Variants in THEMIS observed in about 807,000 individuals in gnomAD.
THEMIS encodes the protein protein THEMIS.
THEMIS carries 37 observed loss-of-function variants against 52.6 expected under a neutral mutation model. That is an observed-to-expected ratio of 0.70 (90% CI 0.54 to 0.93). The LOEUF is 0.93. THEMIS is among the 40% of genes least tolerant of loss of function. The pLI, the probability that THEMIS is intolerant of heterozygous loss-of-function variation, is 0.00. For synonymous variants in THEMIS, 292 were observed against 272.7 expected, an observed-to-expected ratio of 1.07 and a Z score of -0.70; for missense variants, 808 against 763.1, an observed-to-expected ratio of 1.06 and a Z score of -0.69.
intron 4 of THEMIS, among the ~76,000 whole-genome samples, chr6:127,742,854 A>T (rs936052895): frequency 6.6e-6 from 1 of 152,142 alleles, no homozygotes; most frequent in African/African-American, 2.4e-5. Context: ...GATGGTGGTG[A>T]TGGTTCCATA....
intron 4 of THEMIS, among the ~76,000 whole-genome samples, chr6:127,800,817 G>A (rs6940681): frequency 0.15 from 23,094 of 152,168 alleles, 1,961 homozygotes; most frequent in African/African-American, 0.22. Context: ...AAGTTCTTCA[G>A]TTTTGGAATT....
chr6:127,830,986 T>C (rs1417654820), intron 2 of THEMIS, among the ~76,000 whole-genome samples: 1 of 152,202 alleles, frequency 6.6e-6, no homozygotes, highest in African/African-American at 2.4e-5. Flanking sequence ...CACACATTAA[T>C]AAATCACAAC....
At chr6:127,835,512 T>C (rs935414206) in intron 2 of THEMIS, among the ~76,000 whole-genome samples, 5 of 152,182 alleles carry the variant, frequency 3.3e-5, no homozygotes. Context: ...CATGATTAGG[T>C]AGTACTTAAC....
intron 5 of THEMIS, among the ~76,000 whole-genome samples, chr6:127,712,413 T>C (rs371720846): frequency 6.9e-4 from 105 of 152,084 alleles, no homozygotes; most frequent in Non-Finnish European, 1.1e-3. Context: ...ACTGTGTTTC[T>C]TGCATACTAC....
At chr6:127,801,727 G>A (rs867669236) in intron 4 of THEMIS, among the ~76,000 whole-genome samples, 55 of 152,178 alleles carry the variant, frequency 3.6e-4, no homozygotes, top group South Asian at 4.2e-4. Context: ...CCCCTGAGGC[G>A]GTTGCCAGGC....
chr6:127,723,612 G>A (rs1370284680), intron 4 of THEMIS, among the ~76,000 whole-genome samples: 10 of 151,910 alleles, frequency 6.6e-5, no homozygotes, highest in Admixed American at 6.6e-4. Context: ...TAAGCACTCT[G>A]GACTCTAATT....
chr6:127,841,513 T>C (rs1005671974), intron 2 of THEMIS, among the ~76,000 whole-genome samples: 2 of 152,022 alleles, frequency 1.3e-5, no homozygotes, highest in Non-Finnish European at 2.9e-5. Context: ...AGAAAACTTA[T>C]AGAACAGCAC....
At chr6:127,735,315 G>A (rs1774966557) in intron 4 of THEMIS, among the ~76,000 whole-genome samples, 2 of 150,842 alleles carry the variant, frequency 1.3e-5, no homozygotes, top group East Asian at 4.0e-4. Flanking sequence ...AGGGGCGTGT[G>A]TGCGTGTGTG....
At chr6:127,797,689 G>A (rs1359975043) in intron 4 of THEMIS, among the ~76,000 whole-genome samples, 2 of 152,162 alleles carry the variant, frequency 1.3e-5, no homozygotes, top group Non-Finnish European at 2.9e-5. Context: ...TACCCATAAT[G>A]CCAGGGACTA....
Position 127,839,922 on chromosome 6 carries a change from T to C in THEMIS, c.251-9988A>G, listed in dbSNP as rs142320945. On this transcript the variant is annotated intron_variant, in intron 2 of 5. Transcript: ENST00000368248. ...AGGATGTTGAAGATTTAAAATTTCA[T>C]GTTTCTAAAAAAATGGAGACAGGGA... is the stretch of plus-strand genomic sequence containing the variant. Among the ~76,000 whole-genome samples the C allele has an allele frequency of 8.5e-5, 13 of 152,146 alleles. No individual in the cohort carries two copies. In the East Asian group the frequency reaches 2.5e-3, roughly 30 times the overall value.
chr6:127,840,334 TA>T, intron 2 of THEMIS, among the ~76,000 whole-genome samples: 1 of 151,948 alleles, frequency 6.6e-6, no homozygotes, highest in East Asian at 1.9e-4. Context: ...ACCTAGAAAA[TA>T]AAAATTATGC....
At chr6:127,856,588 T>C (rs1779626169) in intron 1 of THEMIS, among the ~76,000 whole-genome samples, 1 of 151,918 alleles carries the variant, frequency 6.6e-6, no homozygotes, top group Non-Finnish European at 1.5e-5. Flanking sequence ...CACATTACTG[T>C]CCTTATCTGA....
At chr6:127,831,275 G>C (rs921674308) in intron 2 of THEMIS, among the ~76,000 whole-genome samples, 5 of 152,026 alleles carry the variant, frequency 3.3e-5, no homozygotes, top group African/African-American at 1.2e-4. Flanking sequence ...GGTTCTGTTT[G>C]ATTTATTTTA....
chr6:127,846,798 A>G (rs1779229743), intron 2 of THEMIS, among the ~76,000 whole-genome samples: 1 of 151,874 alleles, frequency 6.6e-6, no homozygotes, highest in Non-Finnish European at 1.5e-5. Flanking sequence ...TGTAGCCAGT[A>G]TCATCCTAAC....
intron 2 of THEMIS, 27 bp from the exon 3 acceptor site, chr6:127,829,961 A>G (rs1447140520): frequency 6.5e-7 from 1 of 1,533,084 alleles, no homozygotes; most frequent in East Asian, 2.3e-5. Context: ...GTGAATTAAA[A>G]AGAGAGTTCT....
chr6:127,867,515 A>G (rs1301600998), intron 1 of THEMIS, among the ~76,000 whole-genome samples: 1 of 152,092 alleles, frequency 6.6e-6, no homozygotes, highest in Non-Finnish European at 1.5e-5. Flanking sequence ...TGAGAAAGAG[A>G]AATGGAGAAG....
chr6:127,888,434 T>C lies in THEMIS; in HGVS notation c.91+12408A>G, dbSNP rs1038614666. Reference sequence around the variant, plus strand: ...GAACTAAGGGGATAAATGGAAGTTGTGGGAAATTATGGGGTTCCCTATAAA... The same window carrying C: ...GAACTAAGGGGATAAATGGAAGTTGCGGGAAATTATGGGGTTCCCTATAAA... On this transcript the variant is annotated intron_variant, in intron 1 of 5. Coordinates refer to ENST00000368248, the MANE Select transcript of THEMIS (RefSeq NM_001010923.3). Among the ~76,000 whole-genome samples the C allele has an allele frequency of 7.9e-5, 12 of 152,054 alleles. 1 individual carries two copies. The highest frequency in any genetic ancestry group is 7.2e-4 in the Admixed American group (11 of 15,230).
At chr6:127,828,161 T>A (rs1454429218) in intron 3 of THEMIS, among the ~76,000 whole-genome samples, 1 of 152,208 alleles carries the variant, frequency 6.6e-6, no homozygotes, top group Non-Finnish European at 1.5e-5. Flanking sequence ...TGTAACCACT[T>A]TATCCATGTG....
intron 4 of THEMIS, among the ~76,000 whole-genome samples, chr6:127,774,279 C>T (rs1326894928): frequency 6.6e-6 from 1 of 152,252 alleles, no homozygotes. Context: ...CATCTCCGCT[C>T]ACTGCAAGCT....
Sources: allele counts gnomAD v4.1 joint callset (sites outside exome capture counted in the v4.1 genomes callset), GRCh38; gene constraint gnomAD v4.1.1; transcripts MANE v1.5; gene names NCBI Gene and HGNC (gene_info 2026-07-23, HGNC 2026-07-21).